Variants in KCNMA1 observed in about 807,000 individuals in gnomAD.
KCNMA1 encodes the protein potassium calcium-activated channel subfamily M alpha 1, also known as Calcium-activated potassium channel subunit alpha-1.
In KCNMA1, 29 loss-of-function variants were observed where a neutral mutation model predicts 140.0. That is an observed-to-expected ratio of 0.21 (90% CI 0.15 to 0.28). The LOEUF (loss-of-function observed/expected upper bound fraction) is 0.28. Among genes scored for constraint, KCNMA1 ranks in the 10% least tolerant of loss-of-function variants. KCNMA1 has a pLI of 1.00. For synonymous variants in KCNMA1, 612 were observed against 611.9 expected (o/e 1.00, Z 0.00); for missense variants, 880 against 1,602.2 (o/e 0.55, Z 7.70).
intron 1 of KCNMA1, among the ~76,000 whole-genome samples, chr10:77,540,971 C>A (rs1350915132): frequency 6.7e-6 from 1 of 150,200 alleles, no homozygotes; most frequent in Non-Finnish European, 1.5e-5. Context: ...CACCACTGCA[C>A]TCCAGCTTGG....
chr10:77,500,937 C>T (rs1360551489), intron 1 of KCNMA1, among the ~76,000 whole-genome samples: 1 of 152,160 alleles, frequency 6.6e-6, no homozygotes, highest in Non-Finnish European at 1.5e-5. Flanking sequence ...GGCTTTACCT[C>T]AAATGGAAAC....
intron 1 of KCNMA1, among the ~76,000 whole-genome samples, chr10:77,630,420 C>A (rs1215302500): frequency 6.6e-6 from 1 of 152,156 alleles, no homozygotes; most frequent in Non-Finnish European, 1.5e-5. Context: ...CTCTGGCCAC[C>A]ACAACCCAAC....
chr10:77,315,317 G>T (rs1004005134), intron 2 of KCNMA1: 1 of 152,140 alleles, frequency 6.6e-6, no homozygotes, highest in South Asian at 2.1e-4. Flanking sequence ...GTCTCTTATT[G>T]CCCCCCAGGC....
At chr10:77,550,155 A>G (rs1179988004) in intron 1 of KCNMA1, among the ~76,000 whole-genome samples, 1 of 152,210 alleles carries the variant, frequency 6.6e-6, no homozygotes, top group East Asian at 1.9e-4. Context: ...AAGTCAGAGC[A>G]AAGGAGAAAA....
At chr10:76,973,722 C>T (rs1175572750) in intron 19 of KCNMA1, among the ~76,000 whole-genome samples, 2 of 152,172 alleles carry the variant, frequency 1.3e-5, no homozygotes, top group African/African-American at 4.8e-5. Context: ...CTGGCCAGAA[C>T]TCTGGGCTTA....
intron 3 of KCNMA1, among the ~76,000 whole-genome samples, chr10:77,212,363 T>C (rs911702229): frequency 6.6e-6 from 1 of 152,158 alleles, no homozygotes; most frequent in African/African-American, 2.4e-5. Context: ...AACCAAACAC[T>C]GCGTGTTCTC....
intron 1 of KCNMA1, among the ~76,000 whole-genome samples, chr10:77,452,527 T>C (rs1157927661): frequency 1.3e-5 from 2 of 152,238 alleles, no homozygotes; most frequent in Admixed American, 1.3e-4. Flanking sequence ...GGGATAGTAA[T>C]TATACACTTT....
chr10:77,353,743 A>T (rs2093163159), intron 2 of KCNMA1, among the ~76,000 whole-genome samples: 1 of 152,216 alleles, frequency 6.6e-6, no homozygotes, highest in Non-Finnish European at 1.5e-5. Context: ...AGCCACCATC[A>T]TCCCAACTAA....
At chr10:76,913,909 A>G in intron 24 of KCNMA1, 1 of 637,298 alleles carries the variant, frequency 1.6e-6, no homozygotes, top group South Asian at 2.0e-5. Flanking sequence ...GATTCCAACC[A>G]GAGCCACAAA....
At chr10:76,924,745 A>T (rs2057163306) in intron 23 of KCNMA1, among the ~76,000 whole-genome samples, 1 of 152,134 alleles carries the variant, frequency 6.6e-6, no homozygotes, top group Admixed American at 6.5e-5. Flanking sequence ...GAGAGTTTTC[A>T]GGCTTCCTAG....
chr10:77,284,670 C>T (rs1304520237), intron 2 of KCNMA1, among the ~76,000 whole-genome samples: 1 of 152,086 alleles, frequency 6.6e-6, no homozygotes, highest in Non-Finnish European at 1.5e-5. Flanking sequence ...CATGGCATCA[C>T]ACCCAGCTAA....
chr10:77,625,254 G>A (rs1044258150), intron 1 of KCNMA1, among the ~76,000 whole-genome samples: 2 of 152,016 alleles, frequency 1.3e-5, no homozygotes, highest in African/African-American at 4.8e-5. Flanking sequence ...GGTGGTGGGC[G>A]CCTGTAGTCC....
intron 2 of KCNMA1, among the ~76,000 whole-genome samples, chr10:77,343,417 G>A (rs377182106): frequency 2.6e-5 from 4 of 152,080 alleles, no homozygotes; most frequent in African/African-American, 7.2e-5. Flanking sequence ...GTTTGAGCCC[G>A]GGCAGTCCAT....
At chr10:77,012,594 G>A (rs1395048067) in intron 17 of KCNMA1, 1 of 1,510,024 alleles carries the variant, frequency 6.6e-7, no homozygotes. Flanking sequence ...CGAGTCAGTG[G>A]GTTCCTCTGT....
chr10:76,903,772 T>C (rs1200602348), intron 25 of KCNMA1: 2 of 152,216 alleles, frequency 1.3e-5, no homozygotes, highest in Non-Finnish European at 2.9e-5. Context: ...TGGCCCTTAA[T>C]GAAAGTACAG....
intron 3 of KCNMA1, among the ~76,000 whole-genome samples, chr10:77,247,003 C>T (rs1327840840): frequency 1.3e-5 from 2 of 152,218 alleles, no homozygotes; most frequent in East Asian, 1.9e-4. Context: ...ATTAAGGAAA[C>T]ATTTAACAAC....
chr10:77,541,128 G>A (rs1198364720), intron 1 of KCNMA1, among the ~76,000 whole-genome samples: 1 of 151,906 alleles, frequency 6.6e-6, no homozygotes, highest in Non-Finnish European at 1.5e-5. Context: ...GGGGGAAAGA[G>A]GAGCAAAGAA....
At chr10:77,327,686 C>A (rs536836573) in intron 2 of KCNMA1, among the ~76,000 whole-genome samples, 4 of 152,082 alleles carry the variant, frequency 2.6e-5, no homozygotes, top group Non-Finnish European at 5.9e-5. Context: ...TCAACCACAT[C>A]CTCCTATAAG....
At chr10:77,143,965 G>T (rs182775560) in intron 5 of KCNMA1, among the ~76,000 whole-genome samples, 1 of 152,106 alleles carries the variant, frequency 6.6e-6, no homozygotes, top group Non-Finnish European at 1.5e-5. Flanking sequence ...ACCCTCACAC[G>T]TTGCTAGTAG....
Sources: gnomAD v4.1 joint callset for allele counts (sites outside exome capture counted in the v4.1 genomes callset) on GRCh38, gnomAD v4.1.1 for gene constraint, MANE v1.5 for transcripts, NCBI Gene and HGNC (gene_info 2026-07-23, HGNC 2026-07-21) for gene names.